NT5DC1: variants seen among roughly 807,000 people sequenced by gnomAD.
The protein encoded by NT5DC1 is 5'-nucleotidase domain-containing protein 1.
A neutral mutation model predicts 59.4 loss-of-function variants in NT5DC1; 42 were observed. The observed-to-expected ratio is 0.71, with a 90% CI of 0.55 to 0.92. The LOEUF (loss-of-function observed/expected upper bound fraction) is 0.92, where lower values mean the gene tolerates loss of function less well. NT5DC1 is among the 40% of genes least tolerant of loss of function. The pLI is 0.00. For synonymous variants in NT5DC1, 172 were observed against 188.1 expected (o/e 0.91, Z 0.70); for missense variants, 501 against 537.1 (o/e 0.93, Z 0.66).
At chr6:116,105,458 C>G (rs1169943848) in intron 1 of NT5DC1, among the ~76,000 whole-genome samples, 1 of 152,232 alleles carries the variant, frequency 6.6e-6, no homozygotes, top group Non-Finnish European at 1.5e-5. Context: ...ACTCAGACAA[C>G]TGTTCTGCTC....
intron 6 of NT5DC1, among the ~76,000 whole-genome samples, chr6:116,206,029 G>GT (rs1204458595): frequency 6.6e-6 from 1 of 151,950 alleles, no homozygotes; most frequent in Non-Finnish European, 1.5e-5. Context: ...CTAGCCCAGT[G>GT]TTTTTTCCTG....
At chr6:116,156,492 G>A in intron 6 of NT5DC1, among the ~76,000 whole-genome samples, 1 of 152,168 alleles carries the variant, frequency 6.6e-6, no homozygotes, top group Non-Finnish European at 1.5e-5. Context: ...ATAGTGCAAA[G>A]TAAAAAGGAA....
intron 6 of NT5DC1, among the ~76,000 whole-genome samples, chr6:116,199,122 G>A (rs1781293923): frequency 1.3e-5 from 2 of 151,880 alleles, no homozygotes; most frequent in Admixed American, 1.3e-4. Context: ...GGGGGTGAGG[G>A]GAGCTAAATC....
intron 2 of NT5DC1, among the ~76,000 whole-genome samples, 179 bp from the exon 3 acceptor site, chr6:116,108,185 C>T (rs190520051): frequency 6.6e-6 from 1 of 152,302 alleles, no homozygotes; most frequent in Admixed American, 6.5e-5. Flanking sequence ...TTTATACCTG[C>T]TCAGTGATAG....
chr6:116,189,158 G>A (rs910897053), intron 6 of NT5DC1, among the ~76,000 whole-genome samples: 1 of 151,604 alleles, frequency 6.6e-6, no homozygotes, highest in African/African-American at 2.4e-5. Flanking sequence ...CTTGAATTTT[G>A]TTCTTTTTTT....
chr6:116,107,618 G>C (rs556184249), intron 2 of NT5DC1, among the ~76,000 whole-genome samples: 60 of 150,266 alleles, frequency 4.0e-4, no homozygotes, highest in African/African-American at 1.5e-3. Flanking sequence ...TGTCGCCCAG[G>C]CTGGAGTGCA....
At chr6:116,233,926 C>T (rs1450771476) in intron 8 of NT5DC1, among the ~76,000 whole-genome samples, 1 of 145,862 alleles carries the variant, frequency 6.9e-6, no homozygotes, top group Non-Finnish European at 1.5e-5. Flanking sequence ...CCTTTGTCTT[C>T]TTTATTTTTT....
chr6:116,218,907 T>C (rs1781739411), intron 6 of NT5DC1, among the ~76,000 whole-genome samples: 1 of 152,242 alleles, frequency 6.6e-6, no homozygotes, highest in Non-Finnish European at 1.5e-5. Context: ...AAGCTATTAC[T>C]AAATTGAGTT....
chr6:116,173,201 A>T (rs73774211), intron 6 of NT5DC1, among the ~76,000 whole-genome samples: 2 of 152,226 alleles, frequency 1.3e-5, no homozygotes, highest in African/African-American at 4.8e-5. Flanking sequence ...GTTCATCTAA[A>T]GTGTAAACTA....
rs1562135723 is a variant in NT5DC1 at position 116,141,912 on chromosome 6, ACAC to A, written c.529+23968_529+23970del. ...CACACACACACACACACACACACAC[ACAC>A]ACACACACACACTGTAAATGTGAGA... On this transcript the variant is annotated intron_variant, in intron 6 of 11. Coordinates refer to ENST00000319550, the MANE Select transcript of NT5DC1 (RefSeq NM_152729.3). 1.4e-3 allele frequency among the ~76,000 whole-genome samples: 219 copies of A among 151,626 alleles called. 2 individuals carry two copies. Among genetic ancestry groups the A allele is most frequent in the Middle Eastern group, 0.014 (4 of 292 alleles).
chr6:116,156,070 A>C (rs930619651), intron 6 of NT5DC1, among the ~76,000 whole-genome samples: 5 of 152,204 alleles, frequency 3.3e-5, no homozygotes, highest in African/African-American at 1.2e-4. Flanking sequence ...TTTCCTAATC[A>C]TGCCATCACT....
chr6:116,236,813 G>A (rs902160526), intron 8 of NT5DC1, among the ~76,000 whole-genome samples, 153 bp from the exon 9 acceptor site: 1 of 152,122 alleles, frequency 6.6e-6, no homozygotes, highest in Non-Finnish European at 1.5e-5. Context: ...ACCTATAAGG[G>A]CCTTATAATA....
chr6:116,204,055 C>T (rs1311701213), intron 6 of NT5DC1, among the ~76,000 whole-genome samples: 1 of 151,780 alleles, frequency 6.6e-6, no homozygotes. Context: ...GGCCTCTGAC[C>T]CAGCTCACTT....
intron 7 of NT5DC1, 81 bp downstream of exon 7, chr6:116,221,309 G>A (rs1450390744): frequency 1.2e-6 from 1 of 803,464 alleles, no homozygotes; most frequent in Non-Finnish European, 2.0e-6. Flanking sequence ...AAAAGTGTCA[G>A]CCATGACCAT....
chr6:116,148,423 A>G (rs773966486), intron 6 of NT5DC1, among the ~76,000 whole-genome samples: 7 of 152,200 alleles, frequency 4.6e-5, no homozygotes, highest in Non-Finnish European at 8.8e-5. Flanking sequence ...TTTTTGGAAC[A>G]TTTGAATACA....
At chr6:116,152,116 A>G (rs1373571034) in intron 6 of NT5DC1, among the ~76,000 whole-genome samples, 1 of 152,216 alleles carries the variant, frequency 6.6e-6, no homozygotes, top group Non-Finnish European at 1.5e-5. Flanking sequence ...TTTGTATGTC[A>G]CAATCTATTT....
At chr6:116,222,892 T>G in intron 7 of NT5DC1, 142 bp from the exon 8 acceptor site, 1 of 568,118 alleles carries the variant, frequency 1.8e-6, no homozygotes, top group Middle Eastern at 4.8e-4. Context: ...TTAAAGTGTG[T>G]GAGAAAAATA....
chr6:116,221,617 C>T (rs80121220), intron 7 of NT5DC1, among the ~76,000 whole-genome samples: 90 of 152,128 alleles, frequency 5.9e-4, no homozygotes, highest in African/African-American at 2.0e-3. Flanking sequence ...TAGTCATTTC[C>T]GTGCGGAGCC....
intron 6 of NT5DC1, among the ~76,000 whole-genome samples, chr6:116,183,085 T>C (rs991752046): frequency 3.3e-5 from 5 of 152,198 alleles, no homozygotes; most frequent in African/African-American, 4.8e-5. Context: ...TTCGTTCTTC[T>C]ACATGTGGCT....
Sources: allele counts gnomAD v4.1 joint callset (sites outside exome capture counted in the v4.1 genomes callset), GRCh38; gene constraint gnomAD v4.1.1; transcripts MANE v1.5; gene names NCBI Gene and HGNC (gene_info 2026-07-23, HGNC 2026-07-21).